ZNF335: variants seen among roughly 807,000 people sequenced by gnomAD.
ZNF335 encodes zinc finger protein 335.
In ZNF335, 84 loss-of-function variants were observed where a neutral mutation model predicts 145.6. That is an observed-to-expected ratio of 0.58 (90% CI 0.48 to 0.69). The LOEUF is 0.69. ZNF335 is among the 30% of genes least tolerant of loss of function. ZNF335 has a pLI of 0.00. For synonymous variants in ZNF335, 761 were observed against 717.0 expected (o/e 1.06, Z -0.98); for missense variants, 1,865 against 1,809.7 (o/e 1.03, Z -0.55).
intron 17 of ZNF335, among the ~76,000 whole-genome samples, chr20:45,954,983 T>G (rs1037435295): frequency 1.3e-5 from 2 of 151,990 alleles, no homozygotes; most frequent in Non-Finnish European, 2.9e-5. Flanking sequence ...GGTCTCAAAC[T>G]CCTGGACTCA....
rs2083571951 is a variant in ZNF335 at position 45,948,785 on chromosome 20, C to T, written c.*168G>A. On this transcript the variant is annotated 3_prime_UTR_variant, in exon 28 of 28. Coordinates refer to ENST00000322927, the MANE Select transcript of ZNF335 (RefSeq NM_022095.4). ...CACCCAGCATGTCCTGGCTGGGGCC[C>T]ATGGCTGCCCCTAACCCCAACAGCA... The T allele has an allele frequency of 9.3e-7, 1 of 1,080,312 alleles. No homozygotes were observed. Among genetic ancestry groups the T allele is most frequent in the African/African-American group, 1.6e-5 (1 of 63,944 alleles). The allele number at this position is 1,080,312 out of a possible 1,614,324, so 66.9% of individuals were successfully genotyped here. A position where few individuals can be genotyped will look rare whatever the true frequency, so the allele number is the denominator to read the frequency against.
rs1332553061 is a variant in ZNF335, at chr20:45,960,491, T to C, written c.1817A>G (p.Lys606Arg). 2 of 1,614,190 alleles carry C rather than the reference T, an allele frequency of 1.2e-6. No homozygotes were observed. Among genetic ancestry groups the C allele is most frequent in the Admixed American group, 3.3e-5 (2 of 60,034 alleles). Reference protein sequence around the residue: ...GKSFKKRYTFKMHLLTHIQAV... With the variant: ...GKSFKKRYTFRMHLLTHIQAV... ...CTGGATGTGCGTGAGCAGGTGCATT[T>C]TGAAGGTGTAGCGCTTCTTAAAGGA... The change falls in exon 13 of 28, where the codon AAA becomes AGA. Residue 606 changes from lysine to arginine, a missense_variant. Physicochemically the swap from Lys to Arg is conservative, Grantham distance 26 (BLOSUM62 2). Coordinates refer to ENST00000322927, the MANE Select transcript of ZNF335 (RefSeq NM_022095.4).
intron 15 of ZNF335, 107 bp downstream of exon 15, chr20:45,959,094 C>G: frequency 9.2e-6 from 9 of 979,170 alleles, no homozygotes; most frequent in Non-Finnish European, 1.2e-5. Flanking sequence ...GTTTTTACCA[C>G]AGTCTCAAGA....
Position 45,950,481 on chromosome 20 carries a change from G to C in ZNF335, c.3304C>G (p.Pro1102Ala), listed in dbSNP as rs1191133551. Residue 1102 changes from proline (P) to alanine (A), a missense_variant, in exon 21 of 28, where the codon CCT becomes GCT. By Grantham distance (27) the Pro-to-Ala change is conservative. Coordinates refer to ENST00000322927, the MANE Select transcript of ZNF335 (RefSeq NM_022095.4). ...RHMLTHTKEK[P>A]FACHLCGQRF... ...TGCCCGCAGAGGTGGCATGCAAAAG[G>C]CTTCTCCTTTGTGTGAGTCAGCATG... 7 of 1,614,230 alleles carry C rather than the reference G, an allele frequency of 4.3e-6. No individual in the cohort carries two copies. In the South Asian group the frequency reaches 6.6e-5, roughly 15 times the overall value.
intron 17 of ZNF335, 150 bp downstream of exon 17, chr20:45,957,436 C>G (rs2083749204): frequency 1.4e-6 from 1 of 711,488 alleles, no homozygotes; most frequent in African/African-American, 1.8e-5. Flanking sequence ...GTTTGCCCAC[C>G]AGACTTCAGC....
At chr20:45,969,724 T>A in intron 2 of ZNF335, 33 bp from the exon 3 acceptor site, 1 of 1,604,610 alleles carries the variant, frequency 6.2e-7, no homozygotes, top group South Asian at 1.1e-5. Flanking sequence ...GGAAAAAGTT[T>A]AGCAGCTGGG....
intron 10 of ZNF335, 27 bp from the exon 11 acceptor site, chr20:45,960,909 A>T: frequency 6.2e-7 from 1 of 1,612,676 alleles, no homozygotes; most frequent in Non-Finnish European, 8.5e-7. Context: ...GAGGAATTAG[A>T]CCAGAGCTTC....
intron 15 of ZNF335, 45 bp from the exon 16 acceptor site, chr20:45,957,973 A>G (rs1467849906): frequency 6.5e-7 from 1 of 1,530,352 alleles, no homozygotes; most frequent in Middle Eastern, 1.7e-4. Context: ...GCCAGCCCAG[A>G]TTCAAGTGCC....
rs781121524 is a variant in ZNF335, at chr20:45,967,526, A to G, written c.923T>C (p.Ile308Thr). 8.7e-6 allele frequency: 14 copies of G among 1,613,826 alleles called. No individual in the cohort carries two copies. Among genetic ancestry groups the G allele is most frequent in the South Asian group, 2.2e-5 (2 of 91,056 alleles). ...EGPEEEDDDD[I>T]VDAGAIDDLE... ...GTCATCAATGGCTCCAGCGTCTACA[A>G]TGTCATCATCGTCCTCCTCCTCTGG... Residue 308 changes from isoleucine (I) to threonine (T), a missense_variant, in exon 6 of 28, where the codon ATT becomes ACT. By Grantham distance (89) the Ile-to-Thr change is moderately conservative. Coordinates refer to ENST00000322927, the MANE Select transcript of ZNF335 (RefSeq NM_022095.4).
In ZNF335 at chr20:45,960,269, A is replaced by G; in HGVS notation, c.1959T>C (p.Phe653=). ...CCTCTCGGAAGGTGCGGTAGGGACA[A>G]AAGCTGCATTTGAAGGGCTTGTCAC... ...HVSDKPFKCS[F]CPYRTFREDF... is the part of the protein sequence containing the mutation. The change falls in exon 14 of 28, where the codon TTT becomes TTC. Residue 653 remains phenylalanine (F), a synonymous_variant. Coordinates refer to ENST00000322927, the MANE Select transcript of ZNF335 (RefSeq NM_022095.4). 6.2e-7 allele frequency: 1 copy of G among 1,614,180 alleles called. No homozygotes were observed. Among genetic ancestry groups the G allele is most frequent in the East Asian group, 2.2e-5 (1 of 44,890 alleles).
Position 45,952,502 on chromosome 20 carries a change from A to T in ZNF335, c.2834T>A (p.Ile945Asn). ...HHIELTADGS[I>N]SFPSPDALAS... ...CAGAGCATCTGGACTTGGGAAGGAG[A>T]TGGAGCCATCTGCGGTGAGCTGTAG... The change falls in exon 20 of 28, where the codon ATC (isoleucine) becomes AAC (asparagine). Residue 945 changes from isoleucine (I) to asparagine (N), a missense_variant. Coordinates refer to ENST00000322927, the MANE Select transcript of ZNF335 (RefSeq NM_022095.4). The T allele has an allele frequency of 6.4e-7, 1 of 1,572,774 alleles. No homozygotes were observed. The highest frequency in any genetic ancestry group is 8.7e-7 in the Non-Finnish European group (1 of 1,155,116).
chr20:45,959,446 G>A lies in ZNF335; in HGVS notation c.2021-13C>T, dbSNP rs751289351. On this transcript the variant is annotated splice_polypyrimidine_tract_variant and intron_variant, in intron 14 of 27. Coordinates refer to ENST00000322927, the MANE Select transcript of ZNF335 (RefSeq NM_022095.4). ...AAGGGCTTGGCCCCTGGAGGCACATGTTGGGGCATGCTTAAGTCTGCCCGT... is the reference window on the plus strand; with the variant it reads ...AAGGGCTTGGCCCCTGGAGGCACATATTGGGGCATGCTTAAGTCTGCCCGT... 2.1e-6 allele frequency: 3 copies of A among 1,428,318 alleles called. No homozygotes were observed. Among genetic ancestry groups the A allele is most frequent in the South Asian group, 1.5e-5 (1 of 66,048 alleles). The allele number at this position is 1,428,318 out of a possible 1,614,324, so 88.5% of individuals were successfully genotyped here.
rs778564617 is a variant in ZNF335, at chr20:45,969,563, A to C, written c.330T>G (p.Ser110Arg). ...TGGPPALVHS[S>R]ALPDPNMLVS... ...CCAGCATGTTGGGGTCTGGGAGTGC[A>C]CTAGAGTGCACAAGTGCTGGGGGAC... The change falls in exon 3 of 28, where the codon AGT becomes AGG. Residue 110 changes from serine to arginine, a missense_variant. Coordinates refer to ENST00000322927, the MANE Select transcript of ZNF335 (RefSeq NM_022095.4). 26 of 1,602,850 alleles carry C rather than the reference A, an allele frequency of 1.6e-5. No individual in the cohort carries two copies. The East Asian group carries it at 5.8e-4, about 36-fold the overall frequency.
Position 45,949,556 on chromosome 20 carries a change from T to C in ZNF335, c.3682A>G (p.Ile1228Val), listed in dbSNP as rs2083588854. 1.2e-6 allele frequency: 2 copies of C among 1,611,772 alleles called. No individual in the cohort carries two copies. Among genetic ancestry groups the C allele is most frequent in the Non-Finnish European group, 1.7e-6 (2 of 1,179,556 alleles). ...AGGTGCTGGACACCATCCTGGGAGA[T>C]GATATACTGCACCTGTTGGTGGGGG... ...VTSDNQVQYIISQDGVQHLLP... is the reference protein window; with the variant it reads ...VTSDNQVQYIVSQDGVQHLLP... Residue 1228 changes from isoleucine to valine, a missense_variant, in exon 25 of 28, where the codon ATC (isoleucine) becomes GTC (valine). Physicochemically the swap from Ile to Val is conservative, Grantham distance 29. Transcript: ENST00000322927.
At chr20:45,954,906 T>C (rs2083698830) in intron 17 of ZNF335, among the ~76,000 whole-genome samples, 1 of 151,000 alleles carries the variant, frequency 6.6e-6, no homozygotes, top group Non-Finnish European at 1.5e-5. Context: ...TAGCTGGTAC[T>C]ACAGGCATGC....
At chr20:45,954,330 C>T (rs1201630314) in intron 17 of ZNF335, among the ~76,000 whole-genome samples, 1 of 152,194 alleles carries the variant, frequency 6.6e-6, no homozygotes, top group Non-Finnish European at 1.5e-5. Context: ...CCTCAACATG[C>T]TAACAGCGCT....
rs940023476 is a variant in ZNF335, at chr20:45,963,504, C to T, written c.1502G>A (p.Ser501Asn). ...DPQLFKCLQC[S>N]YRSRRWSSLK... ...CGAGGACCAGCGGCGGGAACGATAG[C>T]TGCACTGCAGGCACTTGAAGAGCTG... is the stretch of plus-strand genomic sequence containing the variant. Residue 501 changes from serine to asparagine, a missense_variant, in exon 9 of 28, where the codon AGC becomes AAC. Ser to Asn is a conservative substitution (Grantham distance 46, BLOSUM62 1). Coordinates refer to ENST00000322927, the MANE Select transcript of ZNF335 (RefSeq NM_022095.4). The T allele has an allele frequency of 1.9e-6, 3 of 1,613,806 alleles. No homozygotes were observed. The highest frequency in any genetic ancestry group is 2.5e-6 in the Non-Finnish European group (3 of 1,179,936).
At chr20:45,968,083 GAGCTAT>G in intron 4 of ZNF335, 56 bp from the exon 5 acceptor site, 1 of 1,602,604 alleles carries the variant, frequency 6.2e-7, no homozygotes, top group Non-Finnish European at 8.5e-7. Context: ...CACTGGCCAT[GAGCTAT>G]AGCTACCCCT....
In ZNF335 at chr20:45,962,810, TTTTTGTTTGTTTG is replaced by T. The variant is rs1422217545; in HGVS notation, c.1534-641_1534-629del. Among the ~76,000 whole-genome samples the T allele has an allele frequency of 1.2e-3, 125 of 100,854 alleles. 8 individuals carry two copies. The highest frequency in any genetic ancestry group is 5.3e-3 in the African/African-American group (117 of 22,040). The allele number at this position is 100,854 out of a possible 152,430, so 66.2% of individuals were successfully genotyped here. A position where few individuals can be genotyped will look rare whatever the true frequency, so the allele number is the denominator to read the frequency against. ...AGGAGAAAAAGGAACCGTTTTTTTT[TTTTTGTTTGTTTG>T]TTTTTTTGAGACAGAGTTTCGCTCT... On this transcript the variant is annotated intron_variant, in intron 9 of 27. Coordinates refer to ENST00000322927, the MANE Select transcript of ZNF335 (RefSeq NM_022095.4).
Sources: gnomAD v4.1 joint callset for allele counts (sites outside exome capture counted in the v4.1 genomes callset) on GRCh38, gnomAD v4.1.1 for gene constraint, MANE v1.5 for transcripts, NCBI Gene and HGNC (gene_info 2026-07-23, HGNC 2026-07-21) for gene names.